Variants in TTLL5 observed in about 807,000 individuals in gnomAD.
TTLL5 encodes tubulin tyrosine ligase like 5, also known as tubulin polyglutamylase TTLL5.
Under a neutral mutation model 168.4 loss-of-function variants are expected in TTLL5, and 132 were observed. The ratio of observed to expected loss-of-function variants is 0.78; its 90% CI spans 0.68 to 0.91. The LOEUF is 0.91. TTLL5 is among the 40% of genes least tolerant of loss of function. The pLI, the probability that TTLL5 is intolerant of heterozygous loss-of-function variation, is 0.00. For synonymous variants in TTLL5, 546 were observed against 558.6 expected, an observed-to-expected ratio of 0.98 and a Z score of 0.32; for missense variants, 1,545 against 1,581.5, an observed-to-expected ratio of 0.98 and a Z score of 0.39.
At chr14:75,799,906 T>G (rs1349153624) in intron 27 of TTLL5, among the ~76,000 whole-genome samples, 2 of 152,236 alleles carry the variant, frequency 1.3e-5, no homozygotes, top group Non-Finnish European at 2.9e-5. Flanking sequence ...GAGTCTTTCC[T>G]TTGTCTTGAC....
chr14:75,827,557 A>C (rs1360237284), intron 28 of TTLL5, among the ~76,000 whole-genome samples: 1 of 152,086 alleles, frequency 6.6e-6, no homozygotes, highest in Admixed American at 6.6e-5. Context: ...CCAGGTGTTC[A>C]TTATAAGTTA....
At chr14:75,816,606 A>G (rs1894419741) in intron 27 of TTLL5, among the ~76,000 whole-genome samples, 1 of 152,172 alleles carries the variant, frequency 6.6e-6, no homozygotes, top group African/African-American at 2.4e-5. Flanking sequence ...AACATGGTAA[A>G]GTGTGCACAT....
At chr14:75,763,645 G>C (rs1890798221) in intron 18 of TTLL5, among the ~76,000 whole-genome samples, 1 of 152,206 alleles carries the variant, frequency 6.6e-6, no homozygotes, top group African/African-American at 2.4e-5. Flanking sequence ...TTCAGTCACT[G>C]ATATAGATAC....
At chr14:75,769,617 AT>A (rs1408490278) in intron 20 of TTLL5, among the ~76,000 whole-genome samples, 1 of 152,206 alleles carries the variant, frequency 6.6e-6, no homozygotes, top group African/African-American at 2.4e-5. Flanking sequence ...TAATCCCCTT[AT>A]TTAAAAGATC....
chr14:75,815,396 A>G (rs1894334907), intron 27 of TTLL5, among the ~76,000 whole-genome samples: 1 of 152,214 alleles, frequency 6.6e-6, no homozygotes, highest in African/African-American at 2.4e-5. Flanking sequence ...TTGCTTTTGC[A>G]TAAAACAAAA....
chr14:75,893,307 C>T (rs1693063131), intron 30 of TTLL5, among the ~76,000 whole-genome samples: 1 of 152,134 alleles, frequency 6.6e-6, no homozygotes, highest in African/African-American at 2.4e-5. Flanking sequence ...ATAAATGTAC[C>T]TCTAGACACA....
intron 1 of TTLL5, among the ~76,000 whole-genome samples, chr14:75,661,833 A>T (rs1890748574): frequency 6.6e-6 from 1 of 151,396 alleles, no homozygotes; most frequent in Admixed American, 6.6e-5. Flanking sequence ...GACATTGCCT[A>T]TTGCGCCGAA....
At chr14:75,805,573 A>G (rs1026336647) in intron 27 of TTLL5, among the ~76,000 whole-genome samples, 2 of 152,130 alleles carry the variant, frequency 1.3e-5, no homozygotes, top group African/African-American at 2.4e-5. Flanking sequence ...CCAAGTATAT[A>G]TCTTTAGTTT....
intron 26 of TTLL5, among the ~76,000 whole-genome samples, chr14:75,789,188 A>G (rs1892550575): frequency 6.6e-6 from 1 of 152,200 alleles, no homozygotes; most frequent in African/African-American, 2.4e-5. Context: ...AGAACAAGTA[A>G]GGATGCCCAT....
intron 31 of TTLL5, among the ~76,000 whole-genome samples, chr14:75,921,222 T>G (rs1040885995): frequency 1.3e-5 from 2 of 152,232 alleles, no homozygotes; most frequent in Non-Finnish European, 2.9e-5. Context: ...AGAAGCTCTT[T>G]AGTTTAATTA....
chr14:75,953,729 G>GAA (rs1397149472), intron 31 of TTLL5, among the ~76,000 whole-genome samples: 1 of 152,000 alleles, frequency 6.6e-6, no homozygotes, highest in Non-Finnish European at 1.5e-5. Context: ...GGAAAATTTA[G>GAA]AAAAACTCAA....
At chr14:75,735,048 G>A (rs1888795093) in intron 14 of TTLL5, 147 bp from the exon 15 acceptor site, 1 of 686,134 alleles carries the variant, frequency 1.5e-6, no homozygotes, top group Non-Finnish European at 2.6e-6. Context: ...GTGTGTGTGG[G>A]AGAGTTGTGC....
chr14:75,774,893 T>A (rs1891625825), intron 21 of TTLL5, among the ~76,000 whole-genome samples: 1 of 152,108 alleles, frequency 6.6e-6, no homozygotes, highest in Non-Finnish European at 1.5e-5. Context: ...TTTACTGTGT[T>A]GGCCAGGCTG....
intron 31 of TTLL5, among the ~76,000 whole-genome samples, chr14:75,921,559 C>G (rs1187515056): frequency 6.6e-6 from 1 of 152,076 alleles, no homozygotes; most frequent in African/African-American, 2.4e-5. Context: ...ATTTCTGAGG[C>G]CTCCGTTCTG....
intron 29 of TTLL5, among the ~76,000 whole-genome samples, chr14:75,876,663 T>C (rs2031503152): frequency 6.6e-6 from 1 of 152,208 alleles, no homozygotes; most frequent in African/African-American, 2.4e-5. Context: ...CAGTGCTTTA[T>C]AGCAGCACCA....
At chr14:75,662,313 G>A (rs1000941782) in intron 1 of TTLL5, among the ~76,000 whole-genome samples, 5 of 151,132 alleles carry the variant, frequency 3.3e-5, no homozygotes, top group South Asian at 2.1e-4. Flanking sequence ...ATAAATGTTG[G>A]CAGGGGTTTT....
chr14:75,947,832 A>G (rs557394587), intron 31 of TTLL5, among the ~76,000 whole-genome samples: 23 of 151,928 alleles, frequency 1.5e-4, no homozygotes, highest in Middle Eastern at 3.4e-3. Context: ...TTCCAGCCAC[A>G]TGGGAGGCTG....
chr14:75,731,339 A>G (rs550306082), intron 12 of TTLL5, among the ~76,000 whole-genome samples: 2 of 148,802 alleles, frequency 1.3e-5, no homozygotes, highest in South Asian at 4.3e-4. Flanking sequence ...GATGTTTTAT[A>G]TATATATAGA....
chr14:75,676,283 AAT>A (rs1884147337), intron 3 of TTLL5, among the ~76,000 whole-genome samples: 1 of 152,172 alleles, frequency 6.6e-6, no homozygotes, highest in South Asian at 2.1e-4. Context: ...GACACATAAA[AAT>A]AACCATCATT....
Sources: gnomAD v4.1 joint callset for allele counts (sites outside exome capture counted in the v4.1 genomes callset) on GRCh38, gnomAD v4.1.1 for gene constraint, MANE v1.5 for transcripts, NCBI Gene and HGNC (gene_info 2026-07-23, HGNC 2026-07-21) for gene names.